Variants in ABCC12 observed in about 807,000 individuals in gnomAD.
ABCC12 encodes the protein ATP-binding cassette sub-family C member 12.
A neutral mutation model predicts 151.1 loss-of-function variants in ABCC12; 142 were observed. The observed-to-expected ratio is 0.94, with a 90% confidence interval of 0.82 to 1.08. ABCC12 has a LOEUF of 1.08. Ranked by LOEUF, ABCC12 falls within the 50% of genes least tolerant of loss-of-function variation. The pLI is 0.00. For synonymous variants in ABCC12, 645 were observed against 646.4 expected (o/e 1.00, Z 0.03); for missense variants, 1,638 against 1,691.1 (o/e 0.97, Z 0.55).
intron 26 of ABCC12, 94 bp downstream of exon 26, chr16:48,088,451 A>G: frequency 7.1e-7 from 1 of 1,403,340 alleles, no homozygotes. Flanking sequence ...TCTGACACAC[A>G]TACACATCAC....
At chr16:48,146,662 C>A (rs1965014615) in intron 2 of ABCC12, 188 bp from the exon 3 acceptor site, 1 of 463,772 alleles carries the variant, frequency 2.2e-6, no homozygotes, top group Non-Finnish European at 3.8e-6. Context: ...TACGCTGAGG[C>A]TTTCTTATTA....
intron 11 of ABCC12, among the ~76,000 whole-genome samples, chr16:48,125,398 T>C (rs1291380639): frequency 3.3e-5 from 5 of 152,096 alleles, no homozygotes; most frequent in Non-Finnish European, 7.4e-5. Flanking sequence ...TTTATGGAGG[T>C]GTGCAGAGCC....
chr16:48,117,136 A>T (rs940863604), intron 14 of ABCC12, 125 bp downstream of exon 14: 2 of 846,462 alleles, frequency 2.4e-6, no homozygotes, highest in South Asian at 4.1e-5. Flanking sequence ...GTGGAACCTG[A>T]GCTTTGCCCA....
chr16:48,124,148 C>A, intron 12 of ABCC12, 65 bp downstream of exon 12: 1 of 1,546,162 alleles, frequency 6.5e-7, no homozygotes, highest in Non-Finnish European at 8.9e-7. Flanking sequence ...CACGCCTGAC[C>A]GGAAGGGAGC....
In ABCC12 at chr16:48,096,747, T is replaced by C. The variant is rs748254080; in HGVS notation, c.3194A>G (p.Gln1065Arg). ...GCCCAACTTTGCACCAGGCATTACC[T>C]GGATGATGTATGACAATGACAGGCC... Reference protein sequence around the residue: ...SKGLSLSYIIQLSGLLQVCVR... With the variant: ...SKGLSLSYIIRLSGLLQVCVR... The change falls in exon 24 of 31, where the codon CAG becomes CGG. Residue 1065 changes from glutamine to arginine, a missense_variant and splice_region_variant. Physicochemically the swap from Gln to Arg is conservative, Grantham distance 43 (BLOSUM62 1). Coordinates refer to ENST00000311303, the MANE Select transcript of ABCC12 (RefSeq NM_001393797.1). The C allele has an allele frequency of 6.2e-6, 10 of 1,613,808 alleles. No homozygotes were observed. Among genetic ancestry groups the C allele is most frequent in the Non-Finnish European group, 7.6e-6 (9 of 1,179,872 alleles).
chr16:48,105,153 T>TG lies in ABCC12; in HGVS notation c.2658dup (p.Thr887HisfsTer4). The TG allele has an allele frequency of 6.2e-7, 1 of 1,614,134 alleles. No individual in the cohort carries two copies. The highest frequency in any genetic ancestry group is 8.5e-7 in the Non-Finnish European group (1 of 1,180,036). ...TGTGGCCCTACCTTATCAAACACCG[T>TG]GTCATGCAGAGAGGAGGATGCCATC... On this transcript the variant is annotated frameshift_variant, in exon 21 of 31. Coordinates refer to ENST00000311303, the MANE Select transcript of ABCC12 (RefSeq NM_001393797.1). LOFTEE classifies it high-confidence loss of function.
intron 11 of ABCC12, among the ~76,000 whole-genome samples, chr16:48,127,678 T>C (rs1964285369): frequency 6.6e-6 from 1 of 152,174 alleles, no homozygotes; most frequent in African/African-American, 2.4e-5. Flanking sequence ...ATTGAAGTGG[T>C]TAAGTGAGTT....
intron 23 of ABCC12, 100 bp downstream of exon 23, chr16:48,100,772 T>C (rs774514959): frequency 5.0e-6 from 7 of 1,392,452 alleles, no homozygotes; most frequent in Non-Finnish European, 6.7e-6. Context: ...TTGTCTGTGA[T>C]CAGTCCCCAG....
Position 48,098,718 on chromosome 16 carries a change from A to G in ABCC12, c.3039-1816T>C, listed in dbSNP as rs147276361. Among the ~76,000 whole-genome samples, 80 of 152,296 alleles carry G rather than the reference A, an allele frequency of 5.3e-4. No homozygotes were observed. The East Asian group carries it at 0.013, about 25-fold the overall frequency. Reference sequence around the variant, plus strand: ...GGAATTTGACCTCTAATCTTTTTACATTTTTTAAGCTGTAGCATTTTTGTC... The same window carrying G: ...GGAATTTGACCTCTAATCTTTTTACGTTTTTTAAGCTGTAGCATTTTTGTC... On this transcript the variant is annotated intron_variant, in intron 23 of 30. Coordinates refer to ENST00000311303, the MANE Select transcript of ABCC12 (RefSeq NM_001393797.1).
rs1186024267 is a variant in ABCC12 at position 48,115,633 on chromosome 16, A to G, written c.1786-15T>C. On this transcript the variant is annotated splice_polypyrimidine_tract_variant and intron_variant, in intron 14 of 30. Transcript: ENST00000311303. ...CGCTCCCCAATCTGTGGACAGGGACAATGCTACTGCCCATTGTCAGCCCAC... is the reference window on the plus strand; with the variant it reads ...CGCTCCCCAATCTGTGGACAGGGACGATGCTACTGCCCATTGTCAGCCCAC... The G allele has an allele frequency of 1.2e-6, 2 of 1,609,236 alleles. No homozygotes were observed. The highest frequency in any genetic ancestry group is 3.4e-5 in the Admixed American group (2 of 59,570).
intron 14 of ABCC12, 48 bp from the exon 15 acceptor site, chr16:48,115,666 T>C: frequency 1.3e-6 from 2 of 1,556,986 alleles, no homozygotes; most frequent in South Asian, 2.4e-5. Flanking sequence ...CACCCTGAAG[T>C]TCTTGGGCAA....
chr16:48,107,341 C>T lies in ABCC12; in HGVS notation c.2456G>A (p.Trp819Ter). The change falls in exon 20 of 31, where the codon TGG (tryptophan) becomes TAG (stop). Residue 819 changes from tryptophan (W) to a stop codon, truncating the protein, a stop_gained. Coordinates refer to ENST00000311303, the MANE Select transcript of ABCC12 (RefSeq NM_001393797.1). LOFTEE classifies it high-confidence loss of function. ...ACTCACCCGTGAGCCCTTGTCCAAC[C>T]AGAGACCCAGCCACCAGTTGCTGAA... Reference protein sequence around the residue: ...AAFSNWWLGLWLDKGSRMTCG... With the variant: ...AAFSNWWLGL 2.5e-6 allele frequency: 4 copies of T among 1,614,170 alleles called. No individual in the cohort carries two copies. Among genetic ancestry groups the T allele is most frequent in the Non-Finnish European group, 3.4e-6 (4 of 1,180,016 alleles).
chr16:48,102,973 C>T (rs1370580469), intron 22 of ABCC12, among the ~76,000 whole-genome samples: 1 of 152,172 alleles, frequency 6.6e-6, no homozygotes, highest in Non-Finnish European at 1.5e-5. Context: ...ACGTCTGGTC[C>T]TCATTAATTC....
chr16:48,089,208 A>C (rs2150583589), intron 25 of ABCC12, among the ~76,000 whole-genome samples: 1 of 152,316 alleles, frequency 6.6e-6, no homozygotes. Context: ...TAGCGAATAG[A>C]GGGATGGATG....
chr16:48,101,280 G>C (rs555915460), intron 22 of ABCC12, among the ~76,000 whole-genome samples: 23 of 152,290 alleles, frequency 1.5e-4, no homozygotes, highest in Admixed American at 1.1e-3. Flanking sequence ...TCCACAAGGC[G>C]TGATTCTAGT....
At chr16:48,090,546 A>G (rs371131553) in intron 25 of ABCC12, among the ~76,000 whole-genome samples, 7 of 151,854 alleles carry the variant, frequency 4.6e-5, no homozygotes, top group African/African-American at 1.7e-4. Context: ...GCCTGGCAAA[A>G]TATTAATTTT....
At chr16:48,146,510 G>A (rs1324291108) in intron 2 of ABCC12, 36 bp from the exon 3 acceptor site, 3 of 1,077,414 alleles carry the variant, frequency 2.8e-6, no homozygotes, top group African/African-American at 1.6e-5. Flanking sequence ...ATTGAGAGGT[G>A]AGGATGTCTG....
chr16:48,133,983 C>A, intron 8 of ABCC12, 148 bp from the exon 9 acceptor site: 1 of 978,992 alleles, frequency 1.0e-6, no homozygotes, highest in Non-Finnish European at 1.5e-6. Context: ...ACAGAAAGCC[C>A]CGGGCACAAA....
intron 3 of ABCC12, among the ~76,000 whole-genome samples, chr16:48,144,475 C>T (rs530734456): frequency 2.0e-5 from 3 of 151,818 alleles, no homozygotes; most frequent in Non-Finnish European, 4.4e-5. Flanking sequence ...TCCTCTTCTT[C>T]CTCCTCCTCC....
Sources: gnomAD v4.1 joint callset for allele counts (sites outside exome capture counted in the v4.1 genomes callset) on GRCh38, gnomAD v4.1.1 for gene constraint, MANE v1.5 for transcripts, NCBI Gene and HGNC (gene_info 2026-07-23, HGNC 2026-07-21) for gene names.